ZSCAN25: variants seen among roughly 807,000 people sequenced by gnomAD.
ZSCAN25 encodes the protein zinc finger and SCAN domain-containing protein 25.
In ZSCAN25, 27 loss-of-function variants were observed where a neutral mutation model predicts 38.7. The observed-to-expected ratio is 0.70, with a 90% CI of 0.51 to 0.96. ZSCAN25 has a LOEUF of 0.96. ZSCAN25 is among the 40% of genes least tolerant of loss of function. The pLI is 0.00. For missense variants in ZSCAN25, 637 were observed against 705.9 expected (o/e 0.90, Z 1.11); for synonymous variants, 273 against 277.7 (o/e 0.98, Z 0.17).
At chr7:99,638,909 GCCTGTC>G in the ZSCAN25 span, 89 of 540,456 alleles carry the variant, frequency 1.6e-4, 1 homozygote, top group South Asian at 1.9e-3. Context: ...AGAGGCCCAG[GCCTGTC>G]GCTCACTCGG....
At chr7:99,717,380 G>A in the ZSCAN25 span, 11 of 1,593,758 alleles carry the variant, frequency 6.9e-6, no homozygotes, top group Non-Finnish European at 9.5e-6. Flanking sequence ...ATTTTATGAT[G>A]TGTTTTCTGT....
At position 99,629,915 on chromosome 7, in the gene ZSCAN25, GGAGAAGCCCTACC is replaced by G; in HGVS notation, c.1531_1543del (p.Glu511ThrfsTer96). 6.2e-7 allele frequency: 1 copy of G among 1,614,210 alleles called. No individual in the cohort carries two copies. The highest frequency in any genetic ancestry group is 8.5e-7 in the Non-Finnish European group (1 of 1,180,030). On this transcript the variant is annotated frameshift_variant, in exon 8 of 8. Coordinates refer to ENST00000394152, the MANE Select transcript of ZSCAN25 (RefSeq NM_145115.3). LOFTEE classifies it high-confidence loss of function. The surrounding 1 kb of genome is among the most constrained non-coding windows in gnomAD (Gnocchi z 5.6). ...TCCGACACCAGAGAATCCATACAGGGGAGAAGCCCTACCACTGTCCTGCCTGCGGGCGAAGCTT... is the reference window on the plus strand; with the variant it reads ...TCCGACACCAGAGAATCCATACAGGGACTGTCCTGCCTGCGGGCGAAGCTT...
intron 7 of ZSCAN25, among the ~76,000 whole-genome samples, chr7:99,627,214 A>T (rs1312081365): frequency 6.6e-6 from 1 of 152,226 alleles, no homozygotes; most frequent in Non-Finnish European, 1.5e-5. Context: ...TCTAACAATG[A>T]CATTCCCAAC....
chr7:99,700,123 G>T, the ZSCAN25 span: 2 of 868,946 alleles, frequency 2.3e-6, no homozygotes, highest in Non-Finnish European at 3.9e-6. Flanking sequence ...GAGCATCCCT[G>T]CCCTGCACAG....
intron 6 of ZSCAN25, 49 bp downstream of exon 6, chr7:99,622,689 G>A: frequency 6.4e-7 from 1 of 1,558,022 alleles, no homozygotes; most frequent in Non-Finnish European, 8.8e-7. Flanking sequence ...CTTTGATTGA[G>A]GTTCACCTTC....
At chr7:99,676,440 G>A in the ZSCAN25 span, 8 of 1,467,890 alleles carry the variant, frequency 5.5e-6, no homozygotes, top group Non-Finnish European at 7.3e-6. Flanking sequence ...AGTCTTCATA[G>A]TCCCAATCCT....
chr7:99,673,099 C>T, the ZSCAN25 span, among the ~76,000 whole-genome samples: 1 of 152,152 alleles, frequency 6.6e-6, no homozygotes, highest in Non-Finnish European at 1.5e-5. Context: ...GGTAAATCAT[C>T]AAGTGCTCAC....
chr7:99,654,037 T>G, the ZSCAN25 span, among the ~76,000 whole-genome samples: 1 of 152,054 alleles, frequency 6.6e-6, no homozygotes, highest in African/African-American at 2.4e-5. Context: ...CACTATCCAG[T>G]CTTGTGAGCA....
chr7:99,690,334 A>G, the ZSCAN25 span, among the ~76,000 whole-genome samples: 1 of 152,256 alleles, frequency 6.6e-6, no homozygotes, highest in South Asian at 2.1e-4. Flanking sequence ...ACCTAAAACC[A>G]TAAAAACCTT....
intron 7 of ZSCAN25, among the ~76,000 whole-genome samples, chr7:99,627,047 A>G (rs1423189668): frequency 2.0e-5 from 3 of 152,230 alleles, no homozygotes; most frequent in Admixed American, 6.5e-5. Context: ...ACATACAGAA[A>G]AGCTAAGACT....
In ZSCAN25 at chr7:99,630,705, C is replaced by T; in HGVS notation, c.*685C>T. On this transcript the variant is annotated 3_prime_UTR_variant, in exon 8 of 8. Coordinates refer to ENST00000394152, the MANE Select transcript of ZSCAN25 (RefSeq NM_145115.3). ...TGTGTGAATTTTACATTATTTGGAGCCTCATCTGTGTCAGGCTATAACATT... is the reference window on the plus strand; with the variant it reads ...TGTGTGAATTTTACATTATTTGGAGTCTCATCTGTGTCAGGCTATAACATT... The T allele has an allele frequency of 4.1e-6, 4 of 971,536 alleles. No individual in the cohort carries two copies. The highest frequency in any genetic ancestry group is 1.1e-4 in the East Asian group (1 of 8,818). 60.2% of individuals were successfully genotyped at this position (971,536 alleles called of 1,614,324 possible).
At chr7:99,696,975 A>G in the ZSCAN25 span, among the ~76,000 whole-genome samples, 15 of 152,266 alleles carry the variant, frequency 9.9e-5, no homozygotes, top group East Asian at 3.9e-4. Flanking sequence ...ACCCTCTGCC[A>G]TGATTGAACA....
At chr7:99,703,694 T>C in the ZSCAN25 span, among the ~76,000 whole-genome samples, 939 of 152,294 alleles carry the variant, frequency 6.2e-3, 12 homozygotes, top group African/African-American at 0.021. Flanking sequence ...TCTATCATCC[T>C]TAATATATTT....
chr7:99,731,166 C>G, the ZSCAN25 span: 2 of 1,613,266 alleles, frequency 1.2e-6, no homozygotes, highest in African/African-American at 2.7e-5. Context: ...CAAAGTGAAA[C>G]AAAAATCAGG....
rs1442361645 is a variant in ZSCAN25 at position 99,629,220 on chromosome 7, C to T, written c.835C>T (p.Pro279Ser). The change falls in exon 8 of 8, where the codon CCC becomes TCC. Residue 279 changes from proline to serine, a missense_variant. Transcript: ENST00000394152. This position sits in a 1 kb window ranked among gnomAD's most constrained non-coding sequence, Gnocchi z 5.6. The stretch of plus-strand genomic sequence containing the variant: ...TGGGAGCAAGGAAAAGGAGGCAAAA[C>T]CCCCACAGGAAGACCTGAAAGGGGC... ...GGGSKEKEAK[P>S]PQEDLKGALV... 2 of 1,612,128 alleles carry T rather than the reference C, an allele frequency of 1.2e-6. No homozygotes were observed. Among genetic ancestry groups the T allele is most frequent in the Non-Finnish European group, 8.5e-7 (1 of 1,179,214 alleles).
chr7:99,689,252 A>G, the ZSCAN25 span, among the ~76,000 whole-genome samples: 3 of 152,326 alleles, frequency 2.0e-5, no homozygotes, highest in Admixed American at 6.5e-5. Context: ...AAGATCAACA[A>G]AATTGATAGA....
the ZSCAN25 span, chr7:99,671,909 C>T: frequency 2.9e-6 from 2 of 699,612 alleles, no homozygotes; most frequent in East Asian, 2.7e-5. Context: ...TTAGAACTAC[C>T]CACACACATA....
At chr7:99,710,961 A>C in the ZSCAN25 span, 1 of 1,610,134 alleles carries the variant, frequency 6.2e-7, no homozygotes, top group Admixed American at 1.7e-5. Context: ...AGATGAAAAG[A>C]AATCTAAGTG....
rs778290807 is a variant in ZSCAN25 at position 99,619,658 on chromosome 7, A to G, written c.52A>G (p.Ile18Val). 5.6e-6 allele frequency: 9 copies of G among 1,614,134 alleles called. No individual in the cohort carries two copies. Among genetic ancestry groups the G allele is most frequent in the Non-Finnish European group, 7.6e-6 (9 of 1,180,046 alleles). Reference protein sequence around the residue: ...MAEAPQQQLGIPVVKLEKELP... With the variant: ...MAEAPQQQLGVPVVKLEKELP... Reference sequence around the variant, plus strand: ...GGAAGCTCCTCAGCAGCAGTTGGGTATTCCTGTGGTGAAACTGGAGAAAGA... The same window carrying G: ...GGAAGCTCCTCAGCAGCAGTTGGGTGTTCCTGTGGTGAAACTGGAGAAAGA... Residue 18 changes from isoleucine to valine, a missense_variant, in exon 4 of 8, where the codon ATT (isoleucine) becomes GTT (valine). Ile to Val is a conservative substitution (Grantham distance 29). Coordinates refer to ENST00000394152, the MANE Select transcript of ZSCAN25 (RefSeq NM_145115.3).
Sources: gnomAD v4.1 joint callset for allele counts (sites outside exome capture counted in the v4.1 genomes callset) on GRCh38, gnomAD v4.1.1 for gene constraint, Gnocchi (gnomAD v3.1) non-coding constraint, MANE v1.5 for transcripts, NCBI Gene and HGNC (gene_info 2026-07-23, HGNC 2026-07-21) for gene names.